COG5: variants seen among roughly 807,000 people sequenced by gnomAD.
COG5 encodes the protein conserved oligomeric Golgi complex subunit 5.
COG5 carries 86 observed loss-of-function variants against 110.4 expected under a neutral mutation model. The ratio of observed to expected loss-of-function variants is 0.78; its 90% confidence interval spans 0.65 to 0.93. The LOEUF is 0.93. COG5 is among the 40% of genes least tolerant of loss of function. COG5 has a pLI of 0.00. For synonymous variants in COG5, 360 were observed against 334.6 expected, an observed-to-expected ratio of 1.08 and a Z score of -0.83; for missense variants, 1,077 against 987.0, an observed-to-expected ratio of 1.09 and a Z score of -1.22.
chr7:107,425,231 T>C (rs983016649), intron 6 of COG5, among the ~76,000 whole-genome samples: 1 of 151,308 alleles, frequency 6.6e-6, no homozygotes, highest in Admixed American at 6.6e-5. Context: ...TCCATATAAA[T>C]CCACTGATAG....
intron 14 of COG5, among the ~76,000 whole-genome samples, chr7:107,268,263 T>C (rs1450043913): frequency 6.6e-6 from 1 of 152,192 alleles, no homozygotes; most frequent in Non-Finnish European, 1.5e-5. Context: ...CCACTGCACC[T>C]GGCCTAAGAA....
chr7:107,489,153 A>C (rs186175103), intron 6 of COG5, among the ~76,000 whole-genome samples: 1 of 152,320 alleles, frequency 6.6e-6, no homozygotes, highest in Admixed American at 6.5e-5. Flanking sequence ...TAAAATGTTA[A>C]AACTGCAGGG....
intron 5 of COG5, among the ~76,000 whole-genome samples, chr7:107,537,996 T>C (rs1801714269): frequency 6.6e-6 from 1 of 152,122 alleles, no homozygotes; most frequent in Non-Finnish European, 1.5e-5. Context: ...AGCTCCCAAA[T>C]CATTTCTTTT....
At chr7:107,427,085 G>C (rs1410820001) in intron 6 of COG5, among the ~76,000 whole-genome samples, 1 of 152,106 alleles carries the variant, frequency 6.6e-6, no homozygotes, top group African/African-American at 2.4e-5. Flanking sequence ...TGACAAACCT[G>C]GCCACAAAAA....
intron 11 of COG5, among the ~76,000 whole-genome samples, chr7:107,320,163 G>A (rs1809132547): frequency 6.6e-6 from 1 of 152,144 alleles, no homozygotes; most frequent in Admixed American, 6.5e-5. Context: ...TGTCAACACT[G>A]AAAAATTGGT....
intron 6 of COG5, among the ~76,000 whole-genome samples, chr7:107,497,157 A>G (rs1187559135): frequency 6.6e-6 from 1 of 152,138 alleles, no homozygotes; most frequent in Non-Finnish European, 1.5e-5. Context: ...TTACAATGAG[A>G]TATGTCTGCG....
chr7:107,515,480 G>A (rs1367673711), intron 6 of COG5, among the ~76,000 whole-genome samples: 2 of 152,134 alleles, frequency 1.3e-5, no homozygotes, highest in South Asian at 2.1e-4. Context: ...ACATTCGAGA[G>A]ACTAAATGCA....
chr7:107,318,914 CTA>C (rs1562966383), intron 11 of COG5, among the ~76,000 whole-genome samples: 2 of 152,192 alleles, frequency 1.3e-5, no homozygotes, highest in African/African-American at 4.8e-5. Flanking sequence ...TTTTCAACAA[CTA>C]TTTTTTTCTA....
chr7:107,326,085 G>C (rs1348398016), intron 10 of COG5, among the ~76,000 whole-genome samples: 1 of 152,068 alleles, frequency 6.6e-6, no homozygotes, highest in Non-Finnish European at 1.5e-5. Context: ...TGCAGAAAAA[G>C]CATTAAACAA....
At chr7:107,426,048 G>A (rs1326112055) in intron 6 of COG5, among the ~76,000 whole-genome samples, 1 of 152,162 alleles carries the variant, frequency 6.6e-6, no homozygotes, top group Non-Finnish European at 1.5e-5. Context: ...AGCTAGGCAA[G>A]AGGCATGGAA....
intron 6 of COG5, among the ~76,000 whole-genome samples, chr7:107,459,604 T>C (rs1026191248): frequency 6.6e-6 from 1 of 151,978 alleles, no homozygotes; most frequent in Admixed American, 6.6e-5. Context: ...AAGACCAGCC[T>C]GGGCAACCTA....
At chr7:107,434,221 A>G (rs1276641516) in intron 6 of COG5, among the ~76,000 whole-genome samples, 2 of 152,230 alleles carry the variant, frequency 1.3e-5, no homozygotes, top group Admixed American at 6.5e-5. Context: ...TGTGTCTAGA[A>G]ATGCAAAATG....
chr7:107,471,182 C>T (rs964249644), intron 6 of COG5, among the ~76,000 whole-genome samples: 2 of 151,932 alleles, frequency 1.3e-5, no homozygotes, highest in South Asian at 4.1e-4. Flanking sequence ...ATAATATATA[C>T]AATCTTTATT....
chr7:107,531,927 A>G (rs1262376584), intron 5 of COG5, among the ~76,000 whole-genome samples: 2 of 152,158 alleles, frequency 1.3e-5, no homozygotes, highest in East Asian at 3.8e-4. Flanking sequence ...TCATGAACCG[A>G]GCAGTCGTTG....
Position 107,204,214 on chromosome 7 carries a change from T to A in COG5, c.2376-584A>T, listed in dbSNP as rs1798579271. 2.0e-5 allele frequency among the ~76,000 whole-genome samples: 3 copies of A among 152,302 alleles called. No homozygotes were observed. In the South Asian group the frequency reaches 6.2e-4, roughly 32 times the overall value. ...GGATGTACCATTCCATTGTTTATGA[T>A]TATGATCTCATGGATTAGGTTGGGG... On this transcript the variant is annotated intron_variant, in intron 21 of 21. Coordinates refer to ENST00000297135, the MANE Select transcript of COG5 (RefSeq NM_006348.5).
intron 6 of COG5, among the ~76,000 whole-genome samples, chr7:107,443,364 G>A (rs1023656115): frequency 6.6e-6 from 1 of 152,112 alleles, no homozygotes; most frequent in Non-Finnish European, 1.5e-5. Flanking sequence ...ATGGTTTGGG[G>A]AGGAAAGGAG....
At chr7:107,359,598 T>C (rs1045885934) in intron 10 of COG5, among the ~76,000 whole-genome samples, 3 of 152,044 alleles carry the variant, frequency 2.0e-5, no homozygotes, top group African/African-American at 7.3e-5. Flanking sequence ...CAAGTTATGG[T>C]GCTTTTTCCA....
intron 10 of COG5, among the ~76,000 whole-genome samples, chr7:107,338,709 G>A (rs1406540337): frequency 6.6e-6 from 1 of 152,096 alleles, no homozygotes; most frequent in Non-Finnish European, 1.5e-5. Flanking sequence ...TAAAATATTT[G>A]CTAGCCATAT....
At chr7:107,498,002 T>C (rs1263211217) in intron 6 of COG5, among the ~76,000 whole-genome samples, 1 of 152,182 alleles carries the variant, frequency 6.6e-6, no homozygotes, top group Non-Finnish European at 1.5e-5. Context: ...TAAACCAATG[T>C]GTAACAAGGG....
Sources: gnomAD v4.1 joint callset for allele counts (sites outside exome capture counted in the v4.1 genomes callset) on GRCh38, gnomAD v4.1.1 for gene constraint, MANE v1.5 for transcripts, NCBI Gene and HGNC (gene_info 2026-07-23, HGNC 2026-07-21) for gene names.